PTPN9: variants seen among roughly 807,000 people sequenced by gnomAD.
The protein encoded by PTPN9 is tyrosine-protein phosphatase non-receptor type 9.
Under a neutral mutation model 69.8 loss-of-function variants are expected in PTPN9, and 26 were observed. The observed-to-expected ratio is 0.37, with a 90% CI of 0.27 to 0.52. PTPN9 has a LOEUF of 0.52. PTPN9 is among the 20% of genes least tolerant of loss of function. The pLI is 0.91. For synonymous variants in PTPN9, 274 were observed against 272.5 expected (o/e 1.01, Z -0.05); for missense variants, 549 against 740.3 (o/e 0.74, Z 3.00).
At chr15:75,539,614 A>G (rs898260581) in intron 1 of PTPN9, among the ~76,000 whole-genome samples, 5 of 151,620 alleles carry the variant, frequency 3.3e-5, no homozygotes, top group African/African-American at 1.2e-4. Context: ...CCTAGTAGAG[A>G]AGATTTAATT....
intron 1 of PTPN9, among the ~76,000 whole-genome samples, chr15:75,562,065 T>C (rs2075106111): frequency 6.6e-6 from 1 of 151,880 alleles, no homozygotes; most frequent in South Asian, 2.1e-4. Context: ...GTTGCCCAGG[T>C]TGGTCTCAAA....
chr15:75,535,658 T>C (rs556425202), intron 1 of PTPN9, among the ~76,000 whole-genome samples: 14 of 152,326 alleles, frequency 9.2e-5, no homozygotes, highest in Middle Eastern at 3.4e-3. Flanking sequence ...ACTTCTGTAT[T>C]TCAACAAATA....
In PTPN9 at chr15:75,467,177, T is replaced by C. The variant is rs2074540058; in HGVS notation, c.*1592A>G. On this transcript the variant is annotated 3_prime_UTR_variant, in exon 13 of 13. Transcript: ENST00000618819. ...AATACAAAACTGTATCACTGTAAGA[T>C]ATTGAATATGAACATTACAATTATT... 6.5e-6 allele frequency: 1 copy of C among 152,674 alleles called. No homozygotes were observed. Among genetic ancestry groups the C allele is most frequent in the African/African-American group, 2.4e-5 (1 of 41,464 alleles). 9.5% of individuals were successfully genotyped at this position (152,674 alleles called of 1,614,324 possible).
chr15:75,547,001 A>G (rs2075035933), intron 1 of PTPN9, among the ~76,000 whole-genome samples: 1 of 151,776 alleles, frequency 6.6e-6, no homozygotes, highest in South Asian at 2.1e-4. Flanking sequence ...CAAGTCAAAA[A>G]CCACCTGTGC....
intron 7 of PTPN9, among the ~76,000 whole-genome samples, chr15:75,503,811 G>C (rs1336723913): frequency 9.3e-5 from 11 of 118,040 alleles, no homozygotes; most frequent in South Asian, 3.0e-4. Context: ...AGGTGGGGGG[G>C]TCAGCCCCCC....
chr15:75,527,693 C>T (rs900111326), intron 1 of PTPN9, among the ~76,000 whole-genome samples: 1 of 151,928 alleles, frequency 6.6e-6, no homozygotes, highest in Non-Finnish European at 1.5e-5. Context: ...TCCATCTCTA[C>T]TAAAAATACA....
intron 1 of PTPN9, among the ~76,000 whole-genome samples, chr15:75,542,283 A>G (rs763932362): frequency 1.3e-5 from 2 of 152,162 alleles, no homozygotes; most frequent in Non-Finnish European, 2.9e-5. Flanking sequence ...TTAAGGGACT[A>G]TGTGCACTTC....
chr15:75,569,892 G>C (rs547453905), intron 1 of PTPN9, among the ~76,000 whole-genome samples: 1 of 151,842 alleles, frequency 6.6e-6, no homozygotes, highest in Non-Finnish European at 1.5e-5. Flanking sequence ...CGCGATCTCA[G>C]CTCACAGCAA....
intron 1 of PTPN9, among the ~76,000 whole-genome samples, chr15:75,577,849 G>A (rs888703890): frequency 3.3e-5 from 5 of 152,128 alleles, no homozygotes; most frequent in Admixed American, 3.3e-4. Flanking sequence ...CAGTGCCAAG[G>A]AAGAGACAGC....
intron 2 of PTPN9, among the ~76,000 whole-genome samples, chr15:75,525,013 ACGC>A (rs2074921424): frequency 6.6e-6 from 1 of 151,972 alleles, no homozygotes; most frequent in Admixed American, 6.6e-5. Flanking sequence ...GTTCTTAAAC[ACGC>A]AGCAGCACTG....
At chr15:75,539,193 C>T (rs1314477895) in intron 1 of PTPN9, among the ~76,000 whole-genome samples, 2 of 152,272 alleles carry the variant, frequency 1.3e-5, no homozygotes, top group South Asian at 2.1e-4. Context: ...ATGATCCGCC[C>T]GCCTTGGCCT....
At chr15:75,556,521 C>T (rs1386021591) in intron 1 of PTPN9, among the ~76,000 whole-genome samples, 1 of 151,998 alleles carries the variant, frequency 6.6e-6, no homozygotes, top group Non-Finnish European at 1.5e-5. Flanking sequence ...GGATTACAGG[C>T]ATGTGCCACC....
chr15:75,486,429 G>C (rs1451969273), intron 8 of PTPN9, among the ~76,000 whole-genome samples: 4 of 152,160 alleles, frequency 2.6e-5, no homozygotes, highest in Non-Finnish European at 5.9e-5. Context: ...GCAATGAGTA[G>C]ACAGTGGTCT....
intron 1 of PTPN9, among the ~76,000 whole-genome samples, chr15:75,558,111 C>T (rs968980247): frequency 6.6e-6 from 1 of 152,106 alleles, no homozygotes; most frequent in Non-Finnish European, 1.5e-5. Context: ...AGGCGGATCA[C>T]GAGGTCGAGA....
chr15:75,482,188 T>A (rs2074641014), intron 8 of PTPN9, among the ~76,000 whole-genome samples: 1 of 151,870 alleles, frequency 6.6e-6, no homozygotes, highest in Admixed American at 6.6e-5. Flanking sequence ...AAACATGTGC[T>A]GTGTCCACTC....
At chr15:75,484,874 T>C (rs2074664994) in intron 8 of PTPN9, among the ~76,000 whole-genome samples, 1 of 152,170 alleles carries the variant, frequency 6.6e-6, no homozygotes, top group African/African-American at 2.4e-5. Context: ...CTAAGATATC[T>C]CCACCTCATG....
chr15:75,502,319 C>T (rs1214844518), intron 7 of PTPN9, among the ~76,000 whole-genome samples: 7 of 151,822 alleles, frequency 4.6e-5, no homozygotes, highest in African/African-American at 1.2e-4. Context: ...TGGTGGTGCG[C>T]GCCTATAATT....
At chr15:75,543,153 T>A (rs2075016734) in intron 1 of PTPN9, among the ~76,000 whole-genome samples, 1 of 151,986 alleles carries the variant, frequency 6.6e-6, no homozygotes, top group South Asian at 2.1e-4. Flanking sequence ...TCCAGTTTCA[T>A]CCATGTCCCT....
intron 1 of PTPN9, among the ~76,000 whole-genome samples, chr15:75,541,555 C>T (rs937632771): frequency 3.3e-5 from 5 of 151,100 alleles, no homozygotes; most frequent in Non-Finnish European, 5.9e-5. Context: ...TACAGGTGCG[C>T]GCCACCATGC....
Sources: gnomAD v4.1 joint callset for allele counts (sites outside exome capture counted in the v4.1 genomes callset) on GRCh38, gnomAD v4.1.1 for gene constraint, MANE v1.5 for transcripts, NCBI Gene and HGNC (gene_info 2026-07-23, HGNC 2026-07-21) for gene names.